Variants in SPAG6 observed in about 807,000 individuals in gnomAD.
The protein encoded by SPAG6 is sperm-associated antigen 6.
A neutral mutation model predicts 58.5 loss-of-function variants in SPAG6; 49 were observed. The observed-to-expected ratio is 0.84, with a 90% CI of 0.67 to 1.06. The LOEUF (loss-of-function observed/expected upper bound fraction) is 1.06, where lower values mean the gene tolerates loss of function less well. SPAG6 is among the 50% of genes least tolerant of loss of function. The pLI is 0.00. For missense variants in SPAG6, 560 were observed against 611.3 expected (o/e 0.92, Z 0.89); for synonymous variants, 233 against 225.6 (o/e 1.03, Z -0.29).
intron 2 of SPAG6, among the ~76,000 whole-genome samples, chr10:22,357,958 C>A (rs893119141): frequency 2.0e-5 from 3 of 152,012 alleles, no homozygotes; most frequent in Non-Finnish European, 4.4e-5. Context: ...TGTATATGTG[C>A]CACATTTTCT....
intron 9 of SPAG6, among the ~76,000 whole-genome samples, chr10:22,407,908 C>G (rs1834601945): frequency 6.7e-6 from 1 of 150,366 alleles, no homozygotes; most frequent in Non-Finnish European, 1.5e-5. Context: ...TTGCTGATAC[C>G]CTTTCTTCCA....
At chr10:22,373,551 CA>C (rs1173557696) in intron 4 of SPAG6, among the ~76,000 whole-genome samples, 1 of 152,060 alleles carries the variant, frequency 6.6e-6, no homozygotes, top group Non-Finnish European at 1.5e-5. Flanking sequence ...TGACAAATAT[CA>C]GAGATAAGAG....
rs1045921572 is a variant in SPAG6 at position 22,361,021 on chromosome 10, A to C, written c.122-3832A>C. On this transcript the variant is annotated intron_variant, in intron 2 of 10. Transcript: ENST00000376624. ...TGTTTAATATGTGTAAGAGGTAAAA[A>C]CATGTCTCTTTAGAGGAAGAGAAGC... Among the ~76,000 whole-genome samples the C allele has an allele frequency of 3.9e-5, 6 of 152,178 alleles. 1 individual carries two copies. Among genetic ancestry groups the C allele is most frequent in the Admixed American group, 6.6e-5 (1 of 15,264 alleles).
At chr10:22,415,089 T>G (rs377378661) in intron 10 of SPAG6, among the ~76,000 whole-genome samples, 1 of 152,094 alleles carries the variant, frequency 6.6e-6, no homozygotes, top group South Asian at 2.1e-4. Flanking sequence ...TTTCTAGTCC[T>G]CAGTAGCTGG....
intron 4 of SPAG6, among the ~76,000 whole-genome samples, chr10:22,386,159 G>T (rs1389095698): frequency 6.6e-6 from 1 of 152,076 alleles, no homozygotes; most frequent in Non-Finnish European, 1.5e-5. Flanking sequence ...ATATACAAAA[G>T]TTTATTGATT....
chr10:22,353,911 T>A (rs1339974249), intron 2 of SPAG6, among the ~76,000 whole-genome samples: 1 of 152,156 alleles, frequency 6.6e-6, no homozygotes, highest in Non-Finnish European at 1.5e-5. Context: ...GGGAACGTTA[T>A]GTGTAAAGGC....
intron 2 of SPAG6, among the ~76,000 whole-genome samples, chr10:22,363,848 G>C (rs1489120756): frequency 1.3e-5 from 2 of 152,168 alleles, no homozygotes; most frequent in African/African-American, 4.8e-5. Context: ...ATATCTAATT[G>C]AGTAGACTGG....
chr10:22,383,151 TG>T (rs145237309), intron 4 of SPAG6, among the ~76,000 whole-genome samples: 448 of 152,360 alleles, frequency 2.9e-3, no homozygotes, highest in Non-Finnish European at 5.0e-3. Flanking sequence ...CTGCTTTTTT[TG>T]GTCAACCTTT....
At chr10:22,373,575 A>C (rs769549162) in intron 4 of SPAG6, among the ~76,000 whole-genome samples, 2 of 152,206 alleles carry the variant, frequency 1.3e-5, no homozygotes, top group Non-Finnish European at 2.9e-5. Context: ...AAGGACTTTG[A>C]ATGGTTTTTC....
intron 2 of SPAG6, among the ~76,000 whole-genome samples, chr10:22,347,165 A>C (rs992998091): frequency 3.3e-5 from 5 of 152,034 alleles, no homozygotes; most frequent in Non-Finnish European, 5.9e-5. Context: ...AGCCACACAC[A>C]CCTCCTGCTA....
At chr10:22,362,643 T>C (rs1276071745) in intron 2 of SPAG6, among the ~76,000 whole-genome samples, 2 of 151,876 alleles carry the variant, frequency 1.3e-5, no homozygotes, top group African/African-American at 4.8e-5. Context: ...AGTGGGAGGA[T>C]TGCTTGAACC....
chr10:22,350,543 G>C (rs922473858), intron 2 of SPAG6, among the ~76,000 whole-genome samples: 1 of 152,134 alleles, frequency 6.6e-6, no homozygotes, highest in Non-Finnish European at 1.5e-5. Flanking sequence ...ATTTTCAAAA[G>C]TTTTTGAAAA....
intron 2 of SPAG6, among the ~76,000 whole-genome samples, chr10:22,353,239 T>C (rs16922183): frequency 0.048 from 7,323 of 152,338 alleles, 584 homozygotes; most frequent in African/African-American, 0.17. Flanking sequence ...ACTGTCCTGT[T>C]TATTCTTTGT....
chr10:22,363,361 C>A (rs1837095533), intron 2 of SPAG6, among the ~76,000 whole-genome samples: 3 of 152,102 alleles, frequency 2.0e-5, no homozygotes, highest in Admixed American at 2.0e-4. Flanking sequence ...CTCTATCAAA[C>A]AGTATAGATA....
chr10:22,408,711 A>C (rs939155091), intron 9 of SPAG6, among the ~76,000 whole-genome samples: 1 of 152,182 alleles, frequency 6.6e-6, no homozygotes, highest in Non-Finnish European at 1.5e-5. Context: ...AAGCCTGGGC[A>C]ATGGCGGGCG....
intron 4 of SPAG6, among the ~76,000 whole-genome samples, chr10:22,374,341 A>C (rs1466862608): frequency 1.3e-5 from 2 of 152,160 alleles, no homozygotes; most frequent in African/African-American, 4.8e-5. Context: ...GGGACTTTAT[A>C]ATCTAAGGCA....
intron 4 of SPAG6, among the ~76,000 whole-genome samples, chr10:22,374,805 C>CT (rs1179980250): frequency 2.0e-5 from 3 of 151,808 alleles, no homozygotes; most frequent in Non-Finnish European, 4.4e-5. Flanking sequence ...TTTGAGTTAC[C>CT]TTTTTTGTAC....
chr10:22,369,716 A>G (rs1833639263), intron 4 of SPAG6, among the ~76,000 whole-genome samples: 2 of 152,242 alleles, frequency 1.3e-5, no homozygotes. Flanking sequence ...GGATGATGAC[A>G]CAATACATGT....
At chr10:22,348,014 C>T (rs1392310225) in intron 2 of SPAG6, among the ~76,000 whole-genome samples, 2 of 129,696 alleles carry the variant, frequency 1.5e-5, no homozygotes, top group Non-Finnish European at 3.0e-5. Flanking sequence ...TTCTTTGAGA[C>T]AGAGTCTTGC....
Sources: allele counts gnomAD v4.1 joint callset (sites outside exome capture counted in the v4.1 genomes callset), GRCh38; gene constraint gnomAD v4.1.1; transcripts MANE v1.5; gene names NCBI Gene and HGNC (gene_info 2026-07-23, HGNC 2026-07-21).